Variants in ILRUN observed in about 807,000 individuals in gnomAD.
ILRUN encodes protein ILRUN.
A neutral mutation model predicts 33.8 loss-of-function variants in ILRUN; 3 were observed. The observed-to-expected ratio is 0.09, with a 90% CI of 0.04 to 0.23. The LOEUF is 0.23. ILRUN is among the 10% of genes least tolerant of loss of function. ILRUN has a pLI of 1.00. For missense variants in ILRUN, 210 were observed against 375.1 expected (o/e 0.56, Z 3.64); for synonymous variants, 124 against 138.9 (o/e 0.89, Z 0.75).
intron 4 of ILRUN, chr6:34,595,977 TTTA>T: frequency 1.1e-6 from 1 of 923,640 alleles, no homozygotes; most frequent in Non-Finnish European, 1.3e-6. Context: ...GAATACAGGG[TTTA>T]GTACTAAGTC....
chr6:34,660,305 A>G (rs931972914), intron 1 of ILRUN, among the ~76,000 whole-genome samples: 10 of 152,154 alleles, frequency 6.6e-5, no homozygotes, highest in Non-Finnish European at 1.3e-4. Context: ...TGTCAAAAAA[A>G]TAAATAAATT....
At chr6:34,605,318 C>CAAAAAAAAAAAAAA (rs78612898) in intron 4 of ILRUN, among the ~76,000 whole-genome samples, 3 of 74,122 alleles carry the variant, frequency 4.0e-5, no homozygotes, top group Non-Finnish European at 8.0e-5. Context: ...AAAACAAAAA[C>CAAAAAAAAAAAAAA]AAAAAAAAAA....
In ILRUN at chr6:34,692,518, G is replaced by A. The variant is rs929408222; in HGVS notation, c.158+3928C>T. ...AATTAAATGATGCGTAGAACAACACGTCTAGACTTTAGATTTTTACTTGGG... is the reference window on the plus strand; with the variant it reads ...AATTAAATGATGCGTAGAACAACACATCTAGACTTTAGATTTTTACTTGGG... On this transcript the variant is annotated intron_variant, in intron 1 of 4. Coordinates refer to ENST00000374023, the MANE Select transcript of ILRUN (RefSeq NM_024294.4). Among the ~76,000 whole-genome samples, 14 of 152,142 alleles carry A rather than the reference G, an allele frequency of 9.2e-5. No homozygotes were observed. In the South Asian group the frequency reaches 2.1e-3, roughly 23 times the overall value.
chr6:34,631,694 A>G (rs2127348890), intron 3 of ILRUN, among the ~76,000 whole-genome samples: 1 of 152,228 alleles, frequency 6.6e-6, no homozygotes, highest in East Asian at 1.9e-4. Flanking sequence ...AGAAGTATCT[A>G]CTCAGAGAAA....
chr6:34,637,072 C>T (rs931455445), intron 3 of ILRUN, among the ~76,000 whole-genome samples: 15 of 152,162 alleles, frequency 9.9e-5, no homozygotes, highest in African/African-American at 3.6e-4. Context: ...CTCTCCCCTA[C>T]AAGGAAAGTA....
chr6:34,665,433 C>T (rs1040370245), intron 1 of ILRUN, among the ~76,000 whole-genome samples: 4 of 151,840 alleles, frequency 2.6e-5, no homozygotes, highest in Non-Finnish European at 2.9e-5. Flanking sequence ...GGCGACAAGA[C>T]GCTGTCTCAA....
chr6:34,678,340 T>C (rs1435974664), intron 1 of ILRUN, among the ~76,000 whole-genome samples: 1 of 151,990 alleles, frequency 6.6e-6, no homozygotes, highest in Non-Finnish European at 1.5e-5. Flanking sequence ...CACACCCGGC[T>C]CTAATTTATT....
chr6:34,695,568 G>A (rs1489358555), intron 1 of ILRUN, among the ~76,000 whole-genome samples: 1 of 152,180 alleles, frequency 6.6e-6, no homozygotes, highest in African/African-American at 2.4e-5. Flanking sequence ...CCCAGCCTAA[G>A]TTCTCCATTT....
At chr6:34,594,999 G>A (rs1257249834) in intron 4 of ILRUN, among the ~76,000 whole-genome samples, 2 of 152,198 alleles carry the variant, frequency 1.3e-5, no homozygotes, top group Non-Finnish European at 2.9e-5. Flanking sequence ...TGTAATTACA[G>A]GCATGAGCCA....
chr6:34,605,701 G>C (rs1255016599), intron 4 of ILRUN, among the ~76,000 whole-genome samples: 1 of 152,116 alleles, frequency 6.6e-6, no homozygotes, highest in Non-Finnish European at 1.5e-5. Flanking sequence ...ATAGTCACTT[G>C]CCCCTCAAAT....
At chr6:34,668,473 C>T (rs956370620) in intron 1 of ILRUN, among the ~76,000 whole-genome samples, 10 of 152,112 alleles carry the variant, frequency 6.6e-5, no homozygotes, top group African/African-American at 9.7e-5. Flanking sequence ...CCCCTCAAAT[C>T]GATAAACACA....
intron 4 of ILRUN, among the ~76,000 whole-genome samples, chr6:34,599,526 C>A (rs1165496826): frequency 1.3e-5 from 2 of 152,086 alleles, no homozygotes; most frequent in Admixed American, 1.3e-4. Context: ...CTGTACAATG[C>A]CTAAGACACA....
intron 3 of ILRUN, among the ~76,000 whole-genome samples, chr6:34,635,384 G>A (rs9469832): frequency 0.16 from 24,496 of 151,836 alleles, 2,616 homozygotes; most frequent in African/African-American, 0.3. Flanking sequence ...GCACATTAGC[G>A]GGGTGTAATG....
chr6:34,642,394 G>A (rs1442303398), intron 3 of ILRUN, among the ~76,000 whole-genome samples: 1 of 152,086 alleles, frequency 6.6e-6, no homozygotes, highest in Admixed American at 6.6e-5. Context: ...CAATCAATGG[G>A]TACCAAAACT....
rs1444047072 is a variant in ILRUN, at chr6:34,587,596, T to C, written c.*2969A>G. On this transcript the variant is annotated 3_prime_UTR_variant, in exon 5 of 5. Coordinates refer to ENST00000374023, the MANE Select transcript of ILRUN (RefSeq NM_024294.4). ...GAATTTGGGGAGGTATTTATTCTCA[T>C]GCCCATTTCCCACCATGGCCACCCT... is the stretch of plus-strand genomic sequence containing the variant. 1.9e-5 allele frequency: 3 copies of C among 153,990 alleles called. No individual in the cohort carries two copies. The highest frequency in any genetic ancestry group is 3.8e-4 in the East Asian group (2 of 5,254). 9.5% of individuals were successfully genotyped at this position (153,990 alleles called of 1,614,324 possible).
At chr6:34,643,582 G>A (rs1180976261) in intron 3 of ILRUN, among the ~76,000 whole-genome samples, 1 of 152,086 alleles carries the variant, frequency 6.6e-6, no homozygotes. Context: ...GCATTTACAT[G>A]GTTAAATTCT....
At chr6:34,600,325 A>G (rs1761483484) in intron 4 of ILRUN, among the ~76,000 whole-genome samples, 1 of 152,172 alleles carries the variant, frequency 6.6e-6, no homozygotes, top group Admixed American at 6.5e-5. Context: ...TCCCTTGAAC[A>G]CAACAGGCAA....
rs1286669869 is a variant in ILRUN, at chr6:34,696,750, TA to T, written c.-148del. The T allele has an allele frequency of 3.1e-6, 2 of 650,944 alleles. No homozygotes were observed. The highest frequency in any genetic ancestry group is 5.0e-6 in the Non-Finnish European group (2 of 396,686). 40.3% of individuals were successfully genotyped at this position (650,944 alleles called of 1,614,324 possible). ...AGGCCCCGGGCCTCTCACAGTCTCA[TA>T]GGGGTAAACTCACTCTGCCACTCAC... On this transcript the variant is annotated 5_prime_UTR_variant, in exon 1 of 5. Transcript: ENST00000374023.
intron 3 of ILRUN, among the ~76,000 whole-genome samples, chr6:34,629,995 A>G (rs995724597): frequency 1.6e-4 from 25 of 152,222 alleles, no homozygotes; most frequent in African/African-American, 5.8e-4. Flanking sequence ...GAGGTTAACA[A>G]TAACTGATAA....
Sources: allele counts gnomAD v4.1 joint callset (sites outside exome capture counted in the v4.1 genomes callset), GRCh38; gene constraint gnomAD v4.1.1; transcripts MANE v1.5; gene names NCBI Gene and HGNC (gene_info 2026-07-23, HGNC 2026-07-21).